Variants in GPR137B observed in about 807,000 individuals in gnomAD.
GPR137B encodes the protein integral membrane protein GPR137B.
Under a neutral mutation model 42.5 loss-of-function variants are expected in GPR137B, and 42 were observed. The observed-to-expected ratio is 0.99, with a 90% CI of 0.77 to 1.28. The LOEUF (loss-of-function observed/expected upper bound fraction) is 1.28, where lower values mean the gene tolerates loss of function less well. GPR137B is among the 50% of genes most tolerant of loss of function. The pLI, the probability that GPR137B is intolerant of heterozygous loss-of-function variation, is 0.00. For missense variants in GPR137B, 487 were observed against 493.9 expected (o/e 0.99, Z 0.13); for synonymous variants, 218 against 209.7 (o/e 1.04, Z -0.34).
At position 236,142,650 on chromosome 1, in the gene GPR137B, G is replaced by C; in HGVS notation, c.28G>C (p.Gly10Arg). 6.7e-7 allele frequency: 1 copy of C among 1,502,548 alleles called. No individual in the cohort carries two copies. Among genetic ancestry groups the C allele is most frequent in the Non-Finnish European group, 8.8e-7 (1 of 1,133,388 alleles). 93.1% of individuals were successfully genotyped at this position (1,502,548 alleles called of 1,614,324 possible). A position where few individuals can be genotyped will look rare whatever the true frequency, so the allele number is the denominator to read the frequency against. The stretch of plus-strand genomic sequence containing the variant: ...GAGGCCCGAGCGTCCCCGGCCGCGC[G>C]GCAGCGCCCCCGGCCCGATGGAGAC... MRPERPRPR[G>R]SAPGPMETPP... is the part of the protein sequence containing the mutation. Residue 10 changes from glycine to arginine, a missense_variant, in exon 1 of 7, where the codon GGC becomes CGC. Coordinates refer to ENST00000366592, the MANE Select transcript of GPR137B (RefSeq NM_003272.4).
intron 1 of GPR137B, among the ~76,000 whole-genome samples, chr1:236,158,322 G>A (rs1473971862): frequency 6.6e-6 from 1 of 152,204 alleles, no homozygotes; most frequent in Non-Finnish European, 1.5e-5. Context: ...CTACTCGGGA[G>A]GCTGAGGCAC....
chr1:236,176,352 T>TCCCA (rs1662685260), intron 2 of GPR137B, among the ~76,000 whole-genome samples: 2 of 152,084 alleles, frequency 1.3e-5, no homozygotes, highest in African/African-American at 4.8e-5. Flanking sequence ...ACTGTTCCCA[T>TCCCA]CCCACTGCAG....
At chr1:236,204,550 T>C (rs1019815727) in intron 5 of GPR137B, among the ~76,000 whole-genome samples, 2 of 152,172 alleles carry the variant, frequency 1.3e-5, no homozygotes, top group African/African-American at 2.4e-5. Context: ...TGGGAGACTT[T>C]TTATTATGGC....
At chr1:236,147,426 A>G (rs955749122) in intron 1 of GPR137B, among the ~76,000 whole-genome samples, 2 of 152,206 alleles carry the variant, frequency 1.3e-5, no homozygotes, top group Non-Finnish European at 2.9e-5. Context: ...GGGCAGCCAC[A>G]TGGCTTTAGG....
At position 236,154,405 on chromosome 1, in the gene GPR137B, G is replaced by A. The variant is rs78071302; in HGVS notation, c.414+11369G>A. On this transcript the variant is annotated intron_variant, in intron 1 of 6. Coordinates refer to ENST00000366592, the MANE Select transcript of GPR137B (RefSeq NM_003272.4). ...CTTCCCCGAGTTCTCTCTGCTTGGG[G>A]TCAGCTAGTCCCAGTTTTTTTCAGT... 5.4e-3 allele frequency among the ~76,000 whole-genome samples: 819 copies of A among 152,158 alleles called. 8 individuals carry two copies. Among genetic ancestry groups the A allele is most frequent in the African/African-American group, 0.019 (777 of 41,498 alleles).
chr1:236,202,663 T>C (rs985716675), intron 5 of GPR137B, among the ~76,000 whole-genome samples: 8 of 150,944 alleles, frequency 5.3e-5, no homozygotes, highest in Admixed American at 4.6e-4. Flanking sequence ...GATGCAAATC[T>C]GAAATCCATT....
chr1:236,198,511 T>C lies in GPR137B; in HGVS notation c.967-6615T>C, dbSNP rs116935009. ...TGAGCCACTGTATCCAGCCTGATGA[T>C]GGTATCTTGATGGGAATTGCATTGA... is the stretch of plus-strand genomic sequence containing the variant. On this transcript the variant is annotated intron_variant, in intron 5 of 6. Coordinates refer to ENST00000366592, the MANE Select transcript of GPR137B (RefSeq NM_003272.4). Among the ~76,000 whole-genome samples, 95 of 152,272 alleles carry C rather than the reference T, an allele frequency of 6.2e-4. 2 individuals are homozygous for C. In the East Asian group the frequency reaches 0.017, roughly 27 times the overall value.
At chr1:236,168,397 C>T (rs759504179) in intron 1 of GPR137B, among the ~76,000 whole-genome samples, 66 of 144,762 alleles carry the variant, frequency 4.6e-4, no homozygotes, top group Non-Finnish European at 6.9e-4. Context: ...CACTCCAGCT[C>T]GGGCAACAAG....
intron 5 of GPR137B, among the ~76,000 whole-genome samples, chr1:236,193,877 T>C (rs1663263616): frequency 6.6e-6 from 1 of 152,194 alleles, no homozygotes; most frequent in Non-Finnish European, 1.5e-5. Flanking sequence ...TTTACTTTTG[T>C]CCACTGTATT....
At chr1:236,170,243 T>C (rs952090722) in intron 2 of GPR137B, among the ~76,000 whole-genome samples, 36 of 152,230 alleles carry the variant, frequency 2.4e-4, no homozygotes, top group African/African-American at 7.0e-4. Flanking sequence ...TGAAAAATTA[T>C]TTTGTCATTT....
intron 1 of GPR137B, among the ~76,000 whole-genome samples, chr1:236,161,957 A>C (rs1471108467): frequency 1.3e-5 from 2 of 152,190 alleles, no homozygotes; most frequent in East Asian, 3.9e-4. Context: ...AAAGATACCC[A>C]AAAATGTGAA....
intron 1 of GPR137B, among the ~76,000 whole-genome samples, chr1:236,151,202 A>G (rs1661850302): frequency 6.6e-6 from 1 of 152,148 alleles, no homozygotes; most frequent in Non-Finnish European, 1.5e-5. Flanking sequence ...CAGACTGTTT[A>G]GACAGTACCT....
At chr1:236,196,776 T>C (rs894341208) in intron 5 of GPR137B, among the ~76,000 whole-genome samples, 1 of 152,236 alleles carries the variant, frequency 6.6e-6, no homozygotes, top group African/African-American at 2.4e-5. Context: ...CAGGTTGTTG[T>C]GGATGCTATT....
At chr1:236,158,674 C>A (rs1662101315) in intron 1 of GPR137B, among the ~76,000 whole-genome samples, 1 of 152,152 alleles carries the variant, frequency 6.6e-6, no homozygotes, top group South Asian at 2.1e-4. Context: ...GAGTTTCAGT[C>A]CCCCTCAGTT....
chr1:236,200,174 G>A (rs1249032502), intron 5 of GPR137B, among the ~76,000 whole-genome samples: 1 of 151,980 alleles, frequency 6.6e-6, no homozygotes, highest in Non-Finnish European at 1.5e-5. Context: ...TCCTTTTGGA[G>A]TTAATCTCCA....
intron 1 of GPR137B, among the ~76,000 whole-genome samples, chr1:236,149,791 C>T (rs531215337): frequency 3.4e-4 from 52 of 152,376 alleles, no homozygotes; most frequent in Middle Eastern, 3.4e-3. Context: ...CGGCTCCCTG[C>T]GGAGCTAGCT....
intron 1 of GPR137B, among the ~76,000 whole-genome samples, chr1:236,151,500 T>C (rs1284471511): frequency 2.1e-5 from 3 of 146,096 alleles, no homozygotes; most frequent in Non-Finnish European, 4.5e-5. Flanking sequence ...CTCGGCTCAC[T>C]GCAACATCTG....
At chr1:236,145,866 A>G (rs10924357) in intron 1 of GPR137B, among the ~76,000 whole-genome samples, 1 of 152,106 alleles carries the variant, frequency 6.6e-6, no homozygotes, top group Non-Finnish European at 1.5e-5. Context: ...TTTTATGTAC[A>G]GTATGTGAAA....
At position 236,156,916 on chromosome 1, in the gene GPR137B, G is replaced by C. The variant is rs759019735; in HGVS notation, c.415-11790G>C. Among the ~76,000 whole-genome samples the C allele has an allele frequency of 7.2e-5, 11 of 152,228 alleles. No homozygotes were observed. Among genetic ancestry groups the C allele is most frequent in the Non-Finnish European group, 1.0e-4 (7 of 68,048 alleles). On this transcript the variant is annotated intron_variant, in intron 1 of 6. Coordinates refer to ENST00000366592, the MANE Select transcript of GPR137B (RefSeq NM_003272.4). The surrounding 1 kb of genome is among the most constrained non-coding windows in gnomAD (Gnocchi z 4.8). ...TCCTTTTATGGTTAGGATAGCATCT[G>C]TGGTCACAGTTTAGTAGCTGTGCGT...
Sources: gnomAD v4.1 joint callset for allele counts (sites outside exome capture counted in the v4.1 genomes callset) on GRCh38, gnomAD v4.1.1 for gene constraint, Gnocchi (gnomAD v3.1) non-coding constraint, MANE v1.5 for transcripts, NCBI Gene and HGNC (gene_info 2026-07-23, HGNC 2026-07-21) for gene names.